Variants in ENTREP1 observed in about 807,000 individuals in gnomAD.
The protein encoded by ENTREP1 is endosomal transmembrane epsin interactor 1.
At chr9:69,338,596 T>G in the ENTREP1 span, among the ~76,000 whole-genome samples, 1 of 152,240 alleles carries the variant, frequency 6.6e-6, no homozygotes, top group African/African-American at 2.4e-5. Flanking sequence ...CCTGTCTTAT[T>G]ACATTCTTAT....
the ENTREP1 span, chr9:69,377,835 C>T: frequency 7.2e-7 from 1 of 1,384,308 alleles, no homozygotes; most frequent in African/African-American, 1.5e-5. Flanking sequence ...TGAGATCTCA[C>T]TTTTCTTTGA....
At chr9:69,344,835 G>A in the ENTREP1 span, among the ~76,000 whole-genome samples, 1 of 152,106 alleles carries the variant, frequency 6.6e-6, no homozygotes, top group African/African-American at 2.4e-5. Context: ...GCCAGCTCCC[G>A]GGTTCTTTGG....
chr9:69,342,056 A>G, the ENTREP1 span, among the ~76,000 whole-genome samples: 2 of 152,070 alleles, frequency 1.3e-5, no homozygotes, highest in Admixed American at 1.3e-4. Flanking sequence ...GGACATTTCA[A>G]CTGGTCATTA....
the ENTREP1 span, chr9:69,377,564 G>A: frequency 6.2e-7 from 1 of 1,612,988 alleles, no homozygotes; most frequent in Non-Finnish European, 8.5e-7. Context: ...CTCTCCCCGT[G>A]CCTTTGTAAT....
chr9:69,356,753 A>T, the ENTREP1 span, among the ~76,000 whole-genome samples: 2 of 152,192 alleles, frequency 1.3e-5, no homozygotes, highest in Admixed American at 6.5e-5. Flanking sequence ...GTTCCTGACC[A>T]GTTCACCTTA....
chr9:69,355,080 T>C, the ENTREP1 span, among the ~76,000 whole-genome samples: 2 of 152,244 alleles, frequency 1.3e-5, no homozygotes, highest in Admixed American at 6.5e-5. Context: ...GGTTCACTTA[T>C]GGCATTTCAT....
At chr9:69,345,864 A>G in the ENTREP1 span, among the ~76,000 whole-genome samples, 1 of 150,802 alleles carries the variant, frequency 6.6e-6, no homozygotes, top group Non-Finnish European at 1.5e-5. Context: ...TCAGTCTCCC[A>G]AAGTGCTGGG....
the ENTREP1 span, among the ~76,000 whole-genome samples, chr9:69,360,536 C>T: frequency 6.6e-6 from 1 of 152,048 alleles, no homozygotes; most frequent in Non-Finnish European, 1.5e-5. Context: ...TCTTCATTTG[C>T]TTCATTTTTC....
At chr9:69,350,171 T>C in the ENTREP1 span, among the ~76,000 whole-genome samples, 15 of 152,214 alleles carry the variant, frequency 9.9e-5, no homozygotes, top group Non-Finnish European at 2.2e-4. Flanking sequence ...CATGAACGCT[T>C]ACTCCTATAA....
the ENTREP1 span, among the ~76,000 whole-genome samples, chr9:69,364,777 A>G: frequency 4.6e-5 from 7 of 152,210 alleles, no homozygotes; most frequent in South Asian, 2.1e-4. Context: ...TAATAACATA[A>G]TAGTAAAGTC....
the ENTREP1 span, among the ~76,000 whole-genome samples, chr9:69,374,212 C>T: frequency 6.6e-6 from 1 of 152,078 alleles, no homozygotes; most frequent in Admixed American, 6.6e-5. Context: ...TTTTTCAGGA[C>T]ACTATTTCAT....
At chr9:69,336,300 T>C in the ENTREP1 span, 49 of 1,381,660 alleles carry the variant, frequency 3.5e-5, no homozygotes, top group African/African-American at 6.3e-4. Flanking sequence ...TTGCTACCCT[T>C]TATAAAATGT....
At chr9:69,391,612 A>G in the ENTREP1 span, 16 of 1,613,872 alleles carry the variant, frequency 9.9e-6, no homozygotes, top group East Asian at 3.1e-4. Context: ...TAATGGCCCC[A>G]TTGCAGCCCA....
the ENTREP1 span, among the ~76,000 whole-genome samples, chr9:69,358,991 C>T: frequency 1.3e-5 from 2 of 151,046 alleles, no homozygotes; most frequent in African/African-American, 4.9e-5. Context: ...GTGTAACCTC[C>T]ACCTCCTGGA....
the ENTREP1 span, chr9:69,325,141 G>A: frequency 9.6e-7 from 1 of 1,036,966 alleles, no homozygotes; most frequent in Non-Finnish European, 1.2e-6. Flanking sequence ...AGCCAGGGCA[G>A]CGGCAGCGGC....
chr9:69,360,454 A>G, the ENTREP1 span, among the ~76,000 whole-genome samples: 1 of 152,118 alleles, frequency 6.6e-6, no homozygotes, highest in Non-Finnish European at 1.5e-5. Flanking sequence ...TATTTTGACT[A>G]TCCTCTTTCC....
At chr9:69,388,384 A>G in the ENTREP1 span, 1 of 1,614,032 alleles carries the variant, frequency 6.2e-7, no homozygotes, top group East Asian at 2.2e-5. Flanking sequence ...AAAACATTAA[A>G]TCTGTTTTGA....
At chr9:69,391,488 C>A in the ENTREP1 span, 2 of 758,414 alleles carry the variant, frequency 2.6e-6, no homozygotes, top group Non-Finnish European at 4.2e-6. Context: ...TTTTTTTTTT[C>A]TTTTTCAAAG....
chr9:69,380,987 A>T, the ENTREP1 span: 8 of 152,270 alleles, frequency 5.3e-5, no homozygotes, highest in Non-Finnish European at 8.8e-5. Context: ...CCCCCTCTGC[A>T]GGCAGCAACC....
Sources: allele counts gnomAD v4.1 joint callset (sites outside exome capture counted in the v4.1 genomes callset), GRCh38; gene constraint gnomAD v4.1.1; transcripts MANE v1.5; gene names NCBI Gene and HGNC (gene_info 2026-07-23, HGNC 2026-07-21).